Variants in CAMSAP1 observed in about 807,000 individuals in gnomAD.
The protein encoded by CAMSAP1 is calmodulin-regulated spectrin-associated protein 1.
In CAMSAP1, 58 loss-of-function variants were observed where a neutral mutation model predicts 143.5. The ratio of observed to expected loss-of-function variants is 0.40; its 90% CI spans 0.33 to 0.50. The LOEUF is 0.50. CAMSAP1 is among the 20% of genes least tolerant of loss of function. The probability of loss-of-function intolerance (pLI) is 0.45; values close to 1 mark genes in which losing one functional copy is unlikely to be tolerated. For missense variants in CAMSAP1, 1,969 were observed against 2,115.7 expected (o/e 0.93, Z 1.36); for synonymous variants, 945 against 859.3 (o/e 1.10, Z -1.74).
intron 4 of CAMSAP1, among the ~76,000 whole-genome samples, chr9:135,864,365 A>C (rs1837302079): frequency 6.6e-6 from 1 of 152,234 alleles, no homozygotes; most frequent in Non-Finnish European, 1.5e-5. Flanking sequence ...ATATATTTCA[A>C]GAGAGGCAAA....
intron 4 of CAMSAP1, chr9:135,865,150 T>C (rs1408009056): frequency 1.7e-6 from 1 of 597,418 alleles, no homozygotes; most frequent in East Asian, 2.9e-5. Flanking sequence ...AAGTGCCATA[T>C]TACAAGGCCT....
In CAMSAP1 at chr9:135,907,201, G is replaced by A; in HGVS notation, c.-42C>T. The A allele has an allele frequency of 1.9e-6, 2 of 1,047,472 alleles. No individual in the cohort carries two copies. The highest frequency in any genetic ancestry group is 4.4e-4 in the Middle Eastern group (1 of 2,264). The allele number at this position is 1,047,472 out of a possible 1,614,324, so 64.9% of individuals were successfully genotyped here. On this transcript the variant is annotated 5_prime_UTR_variant, in exon 1 of 17. Transcript: ENST00000389532. The stretch of plus-strand genomic sequence containing the variant: ...GAGGCGGCGGCCCGGCCGCAACAAA[G>A]GCGCCGCCGCCCCTCGCCGCGCCGG...
chr9:135,856,023 G>T (rs192926133), intron 5 of CAMSAP1, among the ~76,000 whole-genome samples: 279 of 152,314 alleles, frequency 1.8e-3, no homozygotes, highest in Middle Eastern at 3.4e-3. Context: ...CTGCACTCCA[G>T]CATAGGCAAG....
intron 7 of CAMSAP1, among the ~76,000 whole-genome samples, chr9:135,845,753 A>G (rs1836526643): frequency 6.6e-6 from 1 of 152,130 alleles, no homozygotes; most frequent in South Asian, 2.1e-4. Flanking sequence ...TCATGAGTGA[A>G]CTCTCATTCA....
chr9:135,862,363 T>G, intron 5 of CAMSAP1, 104 bp downstream of exon 5: 11 of 1,297,190 alleles, frequency 8.5e-6, no homozygotes, highest in Non-Finnish European at 1.0e-5. Flanking sequence ...AAGGATTCCA[T>G]TTTCTTTCTC....
chr9:135,872,318 C>T (rs756630176), intron 3 of CAMSAP1, among the ~76,000 whole-genome samples: 4 of 152,140 alleles, frequency 2.6e-5, no homozygotes, highest in Non-Finnish European at 4.4e-5. Context: ...GATGCATCTT[C>T]TGCTATTTGT....
intron 4 of CAMSAP1, among the ~76,000 whole-genome samples, chr9:135,863,445 T>C (rs1487105005): frequency 6.6e-6 from 1 of 152,216 alleles, no homozygotes; most frequent in African/African-American, 2.4e-5. Context: ...ATGGCATTTC[T>C]TGCCAACCAC....
intron 1 of CAMSAP1, among the ~76,000 whole-genome samples, chr9:135,895,629 CAG>C (rs1328911196): frequency 6.6e-6 from 1 of 152,164 alleles, no homozygotes; most frequent in Admixed American, 6.5e-5. Flanking sequence ...AAGAAAAATG[CAG>C]AGACATGAGT....
At position 135,821,289 on chromosome 9, in the gene CAMSAP1, C is replaced by T. The variant is rs373183989; in HGVS notation, c.3372G>A (p.Thr1124=). ...PQGSSRSKTP[T]PSVETLPHLR... is the part of the protein sequence containing the mutation. ...AGTGCGGGAGCGTCTCTACACTGGG[C>T]GTTGGGGTTTTACTTCGGGAGGAGC... The change falls in exon 11 of 17, where the codon ACG becomes ACA. Residue 1124 remains threonine, a synonymous_variant. Transcript: ENST00000389532. The surrounding 1 kb of genome is among the most constrained non-coding windows in gnomAD (Gnocchi z 4.6). 1.7e-5 allele frequency: 27 copies of T among 1,611,332 alleles called. No homozygotes were observed. Among genetic ancestry groups the T allele is most frequent in the Middle Eastern group, 1.6e-4 (1 of 6,078 alleles).
rs1835607987 is a variant in CAMSAP1, at chr9:135,824,678, C to T, written c.1315+111G>A. Reference sequence around the variant, plus strand: ...GACTCCATCTCAAAAAACAAACAAACAAACAAAAAAATCACTACATCAGAT... The same window carrying T: ...GACTCCATCTCAAAAAACAAACAAATAAACAAAAAAATCACTACATCAGAT... On this transcript the variant is annotated intron_variant, in intron 9 of 16. Coordinates refer to ENST00000389532, the MANE Select transcript of CAMSAP1 (RefSeq NM_015447.4). This position sits in a 1 kb window ranked among gnomAD's most constrained non-coding sequence, Gnocchi z 4.1. 1 of 881,948 alleles carries T rather than the reference C, an allele frequency of 1.1e-6. No individual in the cohort carries two copies. The highest frequency in any genetic ancestry group is 1.7e-6 in the Non-Finnish European group (1 of 595,026). 54.6% of individuals were successfully genotyped at this position (881,948 alleles called of 1,614,324 possible). A position where few individuals can be genotyped will look rare whatever the true frequency, so the allele number is the denominator to read the frequency against.
Position 135,811,271 on chromosome 9 carries a change from G to T in CAMSAP1, c.*38C>A, listed in dbSNP as rs372468564. 1 of 1,591,454 alleles carries T rather than the reference G, an allele frequency of 6.3e-7. No homozygotes were observed. The highest frequency in any genetic ancestry group is 8.6e-7 in the Non-Finnish European group (1 of 1,166,844). On this transcript the variant is annotated 3_prime_UTR_variant, in exon 17 of 17. Coordinates refer to ENST00000389532, the MANE Select transcript of CAMSAP1 (RefSeq NM_015447.4). The surrounding 1 kb of genome is among the most constrained non-coding windows in gnomAD (Gnocchi z 4.9). ...TGCCAGCCACAAGGGCATCATTTACGAGTCTGGGTCACCCTTTGGACGCCA... is the reference window on the plus strand; with the variant it reads ...TGCCAGCCACAAGGGCATCATTTACTAGTCTGGGTCACCCTTTGGACGCCA...
intron 5 of CAMSAP1, among the ~76,000 whole-genome samples, chr9:135,855,200 C>A (rs1035722887): frequency 1.3e-5 from 2 of 151,808 alleles, no homozygotes; most frequent in South Asian, 2.1e-4. Flanking sequence ...CCTTGTTGGC[C>A]AGGCTAGTCT....
At chr9:135,833,824 C>T (rs371973868) in intron 7 of CAMSAP1, among the ~76,000 whole-genome samples, 9 of 152,128 alleles carry the variant, frequency 5.9e-5, no homozygotes, top group African/African-American at 2.2e-4. Flanking sequence ...AGGAACTACA[C>T]CAAATGAAAA....
chr9:135,828,995 C>T (rs908962847), intron 7 of CAMSAP1, among the ~76,000 whole-genome samples: 2 of 152,156 alleles, frequency 1.3e-5, no homozygotes, highest in Admixed American at 6.5e-5. Flanking sequence ...AAAACATTCC[C>T]GGACAAACAA....
chr9:135,842,244 A>G (rs936359187), intron 7 of CAMSAP1, among the ~76,000 whole-genome samples: 1 of 152,206 alleles, frequency 6.6e-6, no homozygotes, highest in Non-Finnish European at 1.5e-5. Context: ...GGAAGAAAGG[A>G]TATCAGAGAT....
rs760542501 is a variant in CAMSAP1, at chr9:135,822,471, C to T, written c.2190G>A (p.Pro730=). The change falls in exon 11 of 17, where the codon CCG becomes CCA. Residue 730 remains proline (P), a synonymous_variant. Transcript: ENST00000389532. This position sits in a 1 kb window ranked among gnomAD's most constrained non-coding sequence, Gnocchi z 6.1. The part of the protein sequence containing the change: ...SKSPNSHDSE[P]WTLLRQDSDS... The stretch of plus-strand genomic sequence containing the variant: ...CAGAATCCTGCCTGAGGAGAGTCCA[C>T]GGCTCTGAATCGTGGGAGTTGGGGC... 7 of 1,613,832 alleles carry T rather than the reference C, an allele frequency of 4.3e-6. No individual in the cohort carries two copies. Among genetic ancestry groups the T allele is most frequent in the South Asian group, 2.2e-5 (2 of 91,088 alleles).
In CAMSAP1 at chr9:135,822,976, G is replaced by C; in HGVS notation, c.1685C>G (p.Ala562Gly). The change falls in exon 11 of 17, where the codon GCC becomes GGC. Residue 562 changes from alanine to glycine, a missense_variant. By Grantham distance (60) the Ala-to-Gly change is moderately conservative. Coordinates refer to ENST00000389532, the MANE Select transcript of CAMSAP1 (RefSeq NM_015447.4). This position sits in a 1 kb window ranked among gnomAD's most constrained non-coding sequence, Gnocchi z 6.1. Reference sequence around the variant, plus strand: ...TGTAAGGCCTAAGGCCCGGGGTGAGGCCCTGGGGAACTCCGGGTCAGCCTG... The same window carrying C: ...TGTAAGGCCTAAGGCCCGGGGTGAGCCCCTGGGGAACTCCGGGTCAGCCTG... ...PQQADPEFPR[A>G]SPRALGLTAN... 1 of 1,613,972 alleles carries C rather than the reference G, an allele frequency of 6.2e-7. No individual in the cohort carries two copies. The highest frequency in any genetic ancestry group is 8.5e-7 in the Non-Finnish European group (1 of 1,179,876).
rs1835663629 is a variant in CAMSAP1 at position 135,826,147 on chromosome 9, A to AGACAG, written c.1223+1259_1223+1260insCTGTC. The AGACAG allele has an allele frequency of 1.3e-5, 2 of 152,164 alleles. No homozygotes were observed. The highest frequency in any genetic ancestry group is 4.8e-5 in the African/African-American group (2 of 41,292). 9.4% of individuals were successfully genotyped at this position (152,164 alleles called of 1,614,324 possible). Reference sequence around the variant, plus strand: ...CACCACAGGCTGCTGGGTGCAGACAACAGGGTGCAGACAGCAGGTCACAGA... The same window carrying AGACAG: ...CACCACAGGCTGCTGGGTGCAGACAAGACAGCAGGGTGCAGACAGCAGGTCACAGA... On this transcript the variant is annotated intron_variant, in intron 8 of 16. Coordinates refer to ENST00000389532, the MANE Select transcript of CAMSAP1 (RefSeq NM_015447.4). The surrounding 1 kb of genome is among the most constrained non-coding windows in gnomAD (Gnocchi z 4.4).
intron 1 of CAMSAP1, 137 bp from the exon 2 acceptor site, chr9:135,883,215 A>AATTG (rs373673624): frequency 1.6e-5 from 14 of 897,004 alleles, no homozygotes; most frequent in Non-Finnish European, 2.3e-5. Context: ...CAAAAAAAAT[A>AATTG]ATTGATTGAT....
Sources: allele counts gnomAD v4.1 joint callset (sites outside exome capture counted in the v4.1 genomes callset), GRCh38; gene constraint gnomAD v4.1.1; non-coding constraint Gnocchi (gnomAD v3.1); transcripts MANE v1.5; gene names NCBI Gene and HGNC (gene_info 2026-07-23, HGNC 2026-07-21).